The following KCNIP4 variants were observed in gnomAD, a reference collection of about 807,000 sequenced individuals.
KCNIP4 encodes potassium voltage-gated channel interacting protein 4, also known as Kv channel-interacting protein 4.
Under a neutral mutation model 34.0 loss-of-function variants are expected in KCNIP4, and 12 were observed. The observed-to-expected ratio is 0.35, with a 90% confidence interval of 0.23 to 0.57. The LOEUF is 0.57. Ranked by LOEUF, KCNIP4 falls within the 20% of genes least tolerant of loss-of-function variation. The probability of loss-of-function intolerance (pLI) is 0.83; values close to 1 mark genes in which losing one functional copy is unlikely to be tolerated. For missense variants in KCNIP4, 238 were observed against 311.7 expected (o/e 0.76, Z 1.78); for synonymous variants, 124 against 102.2 (o/e 1.21, Z -1.29).
chr4:21,600,924 C>G (rs1222956325), intron 1 of KCNIP4, among the ~76,000 whole-genome samples: 5 of 152,016 alleles, frequency 3.3e-5, no homozygotes, highest in African/African-American at 1.2e-4. Flanking sequence ...CACAAAGACA[C>G]CAAATCCAAT....
intron 1 of KCNIP4, among the ~76,000 whole-genome samples, chr4:21,834,435 C>T (rs1273966780): frequency 3.9e-5 from 6 of 152,106 alleles, no homozygotes; most frequent in South Asian, 2.1e-4. Flanking sequence ...TTTTTGTACA[C>T]TGATTTTGTA....
intron 1 of KCNIP4, among the ~76,000 whole-genome samples, chr4:21,819,696 T>C (rs145035417): frequency 2.0e-5 from 3 of 152,316 alleles, no homozygotes; most frequent in Admixed American, 2.0e-4. Context: ...AACTTAGTTT[T>C]GTGATTGCCT....
chr4:21,034,591 G>A (rs541807019), intron 1 of KCNIP4, among the ~76,000 whole-genome samples: 46 of 152,258 alleles, frequency 3.0e-4, no homozygotes, highest in Admixed American at 9.2e-4. Context: ...GGTGACTGGG[G>A]ACAGCCTGAG....
At chr4:21,143,901 G>T (rs1212297360) in intron 1 of KCNIP4, among the ~76,000 whole-genome samples, 1 of 151,756 alleles carries the variant, frequency 6.6e-6, no homozygotes, top group Non-Finnish European at 1.5e-5. Context: ...GTAGAGATGG[G>T]GTTTCACCAT....
intron 1 of KCNIP4, among the ~76,000 whole-genome samples, chr4:21,752,150 A>G (rs1254436234): frequency 1.3e-5 from 2 of 152,134 alleles, no homozygotes; most frequent in Non-Finnish European, 2.9e-5. Flanking sequence ...AAGGTGATAT[A>G]TGTATACGCT....
At chr4:21,488,975 A>G (rs1196595006) in intron 1 of KCNIP4, among the ~76,000 whole-genome samples, 1 of 152,172 alleles carries the variant, frequency 6.6e-6, no homozygotes, top group Non-Finnish European at 1.5e-5. Context: ...ATTAAGGCTT[A>G]TAAGAAAATA....
intron 1 of KCNIP4, among the ~76,000 whole-genome samples, chr4:20,887,475 T>C (rs1725436024): frequency 6.6e-6 from 1 of 150,540 alleles, no homozygotes; most frequent in Non-Finnish European, 1.5e-5. Context: ...AAATCAAAAA[T>C]GAAAAAAGGC....
intron 1 of KCNIP4, among the ~76,000 whole-genome samples, chr4:21,915,466 G>GA (rs1051825670): frequency 2.6e-5 from 4 of 152,100 alleles, no homozygotes; most frequent in Non-Finnish European, 5.9e-5. Flanking sequence ...GTTCCAAGAG[G>GA]AAAAATAACT....
At chr4:21,788,482 T>C (rs1720057065) in intron 1 of KCNIP4, among the ~76,000 whole-genome samples, 2 of 152,130 alleles carry the variant, frequency 1.3e-5, no homozygotes. Context: ...GCCTCTAACC[T>C]CATCTACAGC....
intron 1 of KCNIP4, among the ~76,000 whole-genome samples, chr4:21,326,078 A>G (rs1715006596): frequency 6.6e-6 from 1 of 151,888 alleles, no homozygotes; most frequent in African/African-American, 2.4e-5. Context: ...CAGCTGGTAG[A>G]GATAATGTTC....
At chr4:20,836,034 A>AT (rs1474740357) in intron 3 of KCNIP4, among the ~76,000 whole-genome samples, 6 of 152,036 alleles carry the variant, frequency 3.9e-5, no homozygotes, top group African/African-American at 1.4e-4. Flanking sequence ...CCCATTCTTT[A>AT]TTTTTCCTCC....
intron 1 of KCNIP4, among the ~76,000 whole-genome samples, chr4:21,864,567 G>A (rs1008731541): frequency 6.6e-6 from 1 of 152,212 alleles, no homozygotes; most frequent in East Asian, 1.9e-4. Flanking sequence ...TGTCATACAT[G>A]TTCAGTCCTG....
intron 1 of KCNIP4, among the ~76,000 whole-genome samples, chr4:21,047,000 G>A (rs1742487385): frequency 6.6e-6 from 1 of 152,206 alleles, no homozygotes; most frequent in Non-Finnish European, 1.5e-5. Flanking sequence ...AACATAAGAG[G>A]TGCAATTTGA....
At chr4:21,480,220 C>T (rs1307543644) in intron 1 of KCNIP4, among the ~76,000 whole-genome samples, 4 of 151,920 alleles carry the variant, frequency 2.6e-5, no homozygotes, top group Non-Finnish European at 5.9e-5. Context: ...TTTCCAAAAA[C>T]TAGCTATTCC....
At chr4:21,459,932 T>C (rs1030433575) in intron 1 of KCNIP4, among the ~76,000 whole-genome samples, 2 of 151,872 alleles carry the variant, frequency 1.3e-5, no homozygotes, top group Non-Finnish European at 2.9e-5. Flanking sequence ...GTGGTCTCCC[T>C]GGAAAGTCAC....
intron 5 of KCNIP4, among the ~76,000 whole-genome samples, chr4:20,747,211 A>G (rs930485954): frequency 1.3e-5 from 2 of 152,184 alleles, no homozygotes; most frequent in Admixed American, 1.3e-4. Context: ...CTAAATTTAC[A>G]TATAAAATTG....
Position 21,911,480 on chromosome 4 carries a change from T to G in KCNIP4, c.61+37091A>C, listed in dbSNP as rs1484175675. 3.3e-5 allele frequency among the ~76,000 whole-genome samples: 5 copies of G among 151,136 alleles called. No homozygotes were observed. The East Asian group carries it at 9.7e-4, about 29-fold the overall frequency. On this transcript the variant is annotated intron_variant, in intron 1 of 8. Transcript: ENST00000382152. Reference sequence around the variant, plus strand: ...AGACAAAAAGAGAGTGAGAATTTTTTACAACTCCAATCCTGAGAGGCGCTT... The same window carrying G: ...AGACAAAAAGAGAGTGAGAATTTTTGACAACTCCAATCCTGAGAGGCGCTT...
At chr4:20,749,619 A>G (rs1560432832) in intron 5 of KCNIP4, 43 bp downstream of exon 5, 1 of 1,371,652 alleles carries the variant, frequency 7.3e-7, no homozygotes, top group Non-Finnish European at 1.0e-6. Flanking sequence ...AAAAAGACTA[A>G]ACTCTAAATA....
intron 1 of KCNIP4, among the ~76,000 whole-genome samples, chr4:21,028,812 A>G (rs1740761823): frequency 6.6e-6 from 1 of 152,168 alleles, no homozygotes; most frequent in South Asian, 2.1e-4. Context: ...AAAACTCACC[A>G]TGTCTAAGTT....
Sources: allele counts gnomAD v4.1 joint callset (sites outside exome capture counted in the v4.1 genomes callset), GRCh38; gene constraint gnomAD v4.1.1; transcripts MANE v1.5; gene names NCBI Gene and HGNC (gene_info 2026-07-23, HGNC 2026-07-21).